Variants in RANBP2 observed in about 807,000 individuals in gnomAD.
RANBP2 encodes E3 SUMO-protein ligase RanBP2.
RANBP2 carries 57 observed loss-of-function variants against 303.6 expected under a neutral mutation model. That is an observed-to-expected ratio of 0.19 (90% CI 0.15 to 0.23). The LOEUF is 0.23. RANBP2 is among the 10% of genes least tolerant of loss of function. The pLI, the probability that RANBP2 is intolerant of heterozygous loss-of-function variation, is 1.00. For synonymous variants in RANBP2, 1,167 were observed against 1,301.5 expected (o/e 0.90, Z 2.23); for missense variants, 3,138 against 3,780.8 (o/e 0.83, Z 4.46).
intron 4 of RANBP2, among the ~76,000 whole-genome samples, chr2:108,732,225 GA>G (rs1695223140): frequency 1.3e-5 from 2 of 151,970 alleles, no homozygotes; most frequent in Non-Finnish European, 2.9e-5. Context: ...AATAATTATA[GA>G]TTTTTTTGCA....
At chr2:108,988,666 G>C in the RANBP2 span, among the ~76,000 whole-genome samples, 8 of 152,184 alleles carry the variant, frequency 5.3e-5, no homozygotes, top group African/African-American at 1.9e-4. Context: ...GGAACCCGTT[G>C]CTTCAGTAGC....
the RANBP2 span, among the ~76,000 whole-genome samples, chr2:109,083,412 C>T: frequency 2.6e-5 from 4 of 152,164 alleles, no homozygotes; most frequent in Admixed American, 6.5e-5. Flanking sequence ...TAGTGACCAG[C>T]TTATTTCCCA....
the RANBP2 span, among the ~76,000 whole-genome samples, chr2:109,342,434 G>A: frequency 3.9e-5 from 6 of 152,310 alleles, no homozygotes; most frequent in Middle Eastern, 3.4e-3. Flanking sequence ...CAAAACAGGC[G>A]AGAATCTGTC....
the RANBP2 span, among the ~76,000 whole-genome samples, chr2:109,307,185 T>C: frequency 6.6e-6 from 1 of 152,238 alleles, no homozygotes; most frequent in Non-Finnish European, 1.5e-5. Flanking sequence ...TAGTTTCCAC[T>C]GCTGGGAGGT....
chr2:108,806,431 A>C, the RANBP2 span, among the ~76,000 whole-genome samples: 1 of 152,224 alleles, frequency 6.6e-6, no homozygotes, highest in Non-Finnish European at 1.5e-5. Flanking sequence ...AATTGGATTT[A>C]TGAGCTAATG....
intron 17 of RANBP2, among the ~76,000 whole-genome samples, chr2:108,757,199 G>A (rs915652752): frequency 1.7e-4 from 26 of 152,106 alleles, no homozygotes; most frequent in African/African-American, 5.1e-4. Flanking sequence ...TTTGGAAAAA[G>A]AATTTCCTGT....
At chr2:109,341,301 G>A in the RANBP2 span, among the ~76,000 whole-genome samples, 10 of 152,266 alleles carry the variant, frequency 6.6e-5, no homozygotes, top group East Asian at 7.7e-4. Context: ...CTTCTTCATC[G>A]CGGATTAAAT....
the RANBP2 span, among the ~76,000 whole-genome samples, chr2:109,205,580 A>G: frequency 6.6e-6 from 1 of 152,106 alleles, no homozygotes; most frequent in South Asian, 2.1e-4. Context: ...TCACACAGAA[A>G]CTACATTCTA....
At chr2:108,794,750 C>A in the RANBP2 span, 1 of 1,496,518 alleles carries the variant, frequency 6.7e-7, no homozygotes, top group South Asian at 1.2e-5. Context: ...ATCGAGAATT[C>A]AGAAATATTT....
chr2:108,954,498 C>A, the RANBP2 span, among the ~76,000 whole-genome samples: 1 of 152,152 alleles, frequency 6.6e-6, no homozygotes, highest in African/African-American at 2.4e-5. Context: ...AGGCTCCCCA[C>A]CCACTCTCCT....
chr2:109,475,212 C>T, the RANBP2 span, among the ~76,000 whole-genome samples: 1 of 152,186 alleles, frequency 6.6e-6, no homozygotes, highest in South Asian at 2.1e-4. Context: ...CTCTTGACCT[C>T]GTGATCCACC....
chr2:108,773,742 G>A (rs1677681175), intron 23 of RANBP2, among the ~76,000 whole-genome samples: 1 of 151,842 alleles, frequency 6.6e-6, no homozygotes, highest in Non-Finnish European at 1.5e-5. Context: ...TGCCTCCCAG[G>A]TTCAAGTGAT....
At chr2:109,290,977 G>A in the RANBP2 span, among the ~76,000 whole-genome samples, 4 of 152,270 alleles carry the variant, frequency 2.6e-5, no homozygotes, top group South Asian at 2.1e-4. Flanking sequence ...CGGGTACATA[G>A]TAGGTGCACA....
chr2:109,400,575 G>A, the RANBP2 span, among the ~76,000 whole-genome samples: 73,179 of 147,008 alleles, frequency 0.5, 17,953 homozygotes, highest in South Asian at 0.57. Flanking sequence ...ACACCTGTGC[G>A]CACACACACA....
the RANBP2 span, among the ~76,000 whole-genome samples, chr2:109,379,207 T>G: frequency 1.3e-5 from 2 of 152,230 alleles, no homozygotes; most frequent in African/African-American, 4.8e-5. Context: ...TCATTTCACC[T>G]TGGCTAAGCA....
Position 108,764,140 on chromosome 2 carries a change from T to C in RANBP2, c.3601T>C (p.Leu1201=), listed in dbSNP as rs1676946008. The stretch of plus-strand genomic sequence containing the variant: ...AGAATTCTTTTGCAACCGCGCGAAA[T>C]TGTTTCGTTTCGATGTAGAATCCAA... ...EEEFFCNRAK[L]FRFDVESKEW... is the part of the protein sequence containing the mutation. The change falls in exon 20 of 29, where the codon TTG becomes CTG. Residue 1201 remains leucine (L), a synonymous_variant. Coordinates refer to ENST00000283195, the MANE Select transcript of RANBP2 (RefSeq NM_006267.5). The C allele has an allele frequency of 6.2e-7, 1 of 1,613,956 alleles. No individual in the cohort carries two copies. The highest frequency in any genetic ancestry group is 8.5e-7 in the Non-Finnish European group (1 of 1,179,998).
At chr2:109,010,889 G>A in the RANBP2 span, among the ~76,000 whole-genome samples, 1 of 152,240 alleles carries the variant, frequency 6.6e-6, no homozygotes, top group Non-Finnish European at 1.5e-5. Flanking sequence ...AGGCCCGGCT[G>A]CTACAGGTGA....
chr2:109,574,714 T>G, the RANBP2 span: 1 of 1,605,752 alleles, frequency 6.2e-7, no homozygotes, highest in Non-Finnish European at 8.5e-7. Context: ...CTTCAGTTCT[T>G]CTTGGAGATA....
At chr2:108,872,240 C>G in the RANBP2 span, among the ~76,000 whole-genome samples, 1 of 152,172 alleles carries the variant, frequency 6.6e-6, no homozygotes, top group Non-Finnish European at 1.5e-5. Flanking sequence ...CTCCTCCCCC[C>G]ACCATAGCAT....
Sources: gnomAD v4.1 joint callset for allele counts (sites outside exome capture counted in the v4.1 genomes callset) on GRCh38, gnomAD v4.1.1 for gene constraint, MANE v1.5 for transcripts, NCBI Gene and HGNC (gene_info 2026-07-23, HGNC 2026-07-21) for gene names.